ZFPM2: variants seen among roughly 807,000 people sequenced by gnomAD.
ZFPM2 encodes zinc finger protein, FOG family member 2.
A neutral mutation model predicts 98.6 loss-of-function variants in ZFPM2; 20 were observed. The observed-to-expected ratio is 0.20, with a 90% CI of 0.14 to 0.29. The LOEUF is 0.29. Among genes scored for constraint, ZFPM2 ranks in the 10% least tolerant of loss-of-function variants. ZFPM2 has a pLI of 1.00. For missense variants in ZFPM2, 1,310 were observed against 1,388.6 expected, an observed-to-expected ratio of 0.94 and a Z score of 0.90; for synonymous variants, 518 against 502.7, an observed-to-expected ratio of 1.03 and a Z score of -0.41.
At chr8:105,456,073 G>A (rs1206326108) in intron 3 of ZFPM2, among the ~76,000 whole-genome samples, 15 of 151,774 alleles carry the variant, frequency 9.9e-5, no homozygotes, top group African/African-American at 3.4e-4. Context: ...TTTAGGGGAA[G>A]GCTAGAGGAA....
chr8:105,423,326 A>C (rs1186091835), intron 2 of ZFPM2, among the ~76,000 whole-genome samples: 1 of 152,172 alleles, frequency 6.6e-6, no homozygotes, highest in Non-Finnish European at 1.5e-5. Flanking sequence ...ATTTTGGATT[A>C]ATTGCACATT....
intron 2 of ZFPM2, among the ~76,000 whole-genome samples, chr8:105,433,615 A>G (rs552209290): frequency 8.4e-4 from 127 of 152,008 alleles, no homozygotes; most frequent in Non-Finnish European, 1.5e-3. Flanking sequence ...GTGAAACCCA[A>G]TCTCTACTAA....
chr8:105,654,080 A>G (rs1353818601), intron 5 of ZFPM2, among the ~76,000 whole-genome samples: 1 of 151,784 alleles, frequency 6.6e-6, no homozygotes, highest in East Asian at 1.9e-4. Flanking sequence ...ATGCCTTCAA[A>G]TCAATTCATT....
chr8:105,362,746 G>T (rs200022352), intron 1 of ZFPM2, among the ~76,000 whole-genome samples: 6 of 152,080 alleles, frequency 3.9e-5, no homozygotes, highest in African/African-American at 1.4e-4. Flanking sequence ...TTGTGAACCC[G>T]TTTGTAATAT....
chr8:105,378,573 G>A (rs1412782560), intron 1 of ZFPM2, among the ~76,000 whole-genome samples: 1 of 152,062 alleles, frequency 6.6e-6, no homozygotes, highest in Admixed American at 6.6e-5. Context: ...AGGACGCTCG[G>A]TAAATATTTA....
At chr8:105,730,365 G>A (rs772577448) in intron 5 of ZFPM2, among the ~76,000 whole-genome samples, 3 of 151,664 alleles carry the variant, frequency 2.0e-5, no homozygotes, top group East Asian at 2.0e-4. Context: ...TTAATTCCAC[G>A]CTACTCATAT....
chr8:105,574,207 G>C (rs147837046), intron 4 of ZFPM2, among the ~76,000 whole-genome samples: 23 of 152,194 alleles, frequency 1.5e-4, no homozygotes, highest in African/African-American at 5.5e-4. Context: ...ACACACACAT[G>C]CTTACTGATT....
At chr8:105,319,110 C>T in intron 1 of ZFPM2, 129 bp downstream of exon 1, 1 of 1,141,964 alleles carries the variant, frequency 8.8e-7, no homozygotes, top group Non-Finnish European at 1.2e-6. Flanking sequence ...ATGTCTCAAA[C>T]TTTGCCTGAG....
chr8:105,484,983 G>T (rs1813200264), intron 3 of ZFPM2, among the ~76,000 whole-genome samples: 1 of 152,182 alleles, frequency 6.6e-6, no homozygotes, highest in African/African-American at 2.4e-5. Context: ...GATAAAGACA[G>T]ACTAGTGGGC....
At chr8:105,633,580 C>T (rs1187004548) in intron 4 of ZFPM2, among the ~76,000 whole-genome samples, 2 of 152,090 alleles carry the variant, frequency 1.3e-5, no homozygotes, top group Non-Finnish European at 2.9e-5. Context: ...CACTTGTCTC[C>T]GTGCTTCTGT....
intron 4 of ZFPM2, among the ~76,000 whole-genome samples, chr8:105,581,069 T>G (rs908210389): frequency 1.3e-5 from 2 of 152,108 alleles, no homozygotes; most frequent in African/African-American, 2.4e-5. Context: ...TGGAAATACT[T>G]ATTTTATCAA....
intron 4 of ZFPM2, among the ~76,000 whole-genome samples, chr8:105,581,386 A>G (rs1371069753): frequency 6.6e-6 from 1 of 152,176 alleles, no homozygotes; most frequent in East Asian, 1.9e-4. Context: ...CTGCATTAAG[A>G]TGCCTTTCGC....
At chr8:105,355,379 G>T (rs1812721173) in intron 1 of ZFPM2, among the ~76,000 whole-genome samples, 1 of 152,086 alleles carries the variant, frequency 6.6e-6, no homozygotes, top group South Asian at 2.1e-4. Context: ...CTTTCTTATG[G>T]TATCTTTTTT....
intron 5 of ZFPM2, among the ~76,000 whole-genome samples, chr8:105,676,208 C>T (rs767414528): frequency 6.6e-6 from 1 of 152,146 alleles, no homozygotes; most frequent in African/African-American, 2.4e-5. Flanking sequence ...TTGACCATAA[C>T]ATTGGAATCA....
intron 3 of ZFPM2, among the ~76,000 whole-genome samples, chr8:105,487,432 T>C (rs1016186367): frequency 2.0e-5 from 3 of 152,310 alleles, no homozygotes; most frequent in Middle Eastern, 3.4e-3. Flanking sequence ...ATATGTCATA[T>C]TATACATCTA....
chr8:105,556,716 T>TCCCTCCCCTC (rs554665315), intron 3 of ZFPM2, among the ~76,000 whole-genome samples: 1 of 123,548 alleles, frequency 8.1e-6, no homozygotes, highest in African/African-American at 3.1e-5. Flanking sequence ...TCCCTTCCCT[T>TCCCTCCCCTC]CCCTCCCCTC....
intron 3 of ZFPM2, among the ~76,000 whole-genome samples, chr8:105,454,442 G>C (rs1205971769): frequency 1.3e-5 from 2 of 152,132 alleles, no homozygotes; most frequent in African/African-American, 4.8e-5. Flanking sequence ...GTGCCCCACT[G>C]GATGCTCCAA....
intron 4 of ZFPM2, among the ~76,000 whole-genome samples, chr8:105,630,578 T>C (rs1169760019): frequency 1.3e-5 from 2 of 152,306 alleles, no homozygotes; most frequent in East Asian, 1.9e-4. Context: ...TTTTAATAAA[T>C]CCAATTCTAC....
chr8:105,439,137 C>CA (rs1338606561), intron 2 of ZFPM2, among the ~76,000 whole-genome samples: 2 of 152,056 alleles, frequency 1.3e-5, no homozygotes, highest in African/African-American at 4.8e-5. Flanking sequence ...CAGTAAGATG[C>CA]AGGAAGGCTT....
Sources: gnomAD v4.1 joint callset for allele counts (sites outside exome capture counted in the v4.1 genomes callset) on GRCh38, gnomAD v4.1.1 for gene constraint, MANE v1.5 for transcripts, NCBI Gene and HGNC (gene_info 2026-07-23, HGNC 2026-07-21) for gene names.